The following SPSB4 variants were observed in gnomAD, a reference collection of about 807,000 sequenced individuals.
SPSB4 encodes the protein splA/ryanodine receptor domain and SOCS box containing 4, also known as SPRY domain-containing SOCS box protein 4.
Under a neutral mutation model 20.9 loss-of-function variants are expected in SPSB4, and 21 were observed. That is an observed-to-expected ratio of 1.01 (90% confidence interval 0.71 to 1.45). The LOEUF (loss-of-function observed/expected upper bound fraction) is 1.45, where lower values mean the gene tolerates loss of function less well. Ranked by LOEUF, SPSB4 falls within the 40% of genes most tolerant of loss-of-function variation. SPSB4 has a pLI of 0.00. For missense variants in SPSB4, 399 were observed against 399.2 expected (o/e 1.00, Z 0.00); for synonymous variants, 207 against 183.8 (o/e 1.13, Z -1.02).
At chr3:141,083,130 T>C (rs1328203341) in intron 2 of SPSB4, among the ~76,000 whole-genome samples, 1 of 152,128 alleles carries the variant, frequency 6.6e-6, no homozygotes, top group South Asian at 2.1e-4. Flanking sequence ...CTTCCTTAGA[T>C]TTGGGTTTAA....
intron 2 of SPSB4, among the ~76,000 whole-genome samples, chr3:141,120,794 C>T (rs1416353168): frequency 6.6e-6 from 1 of 152,000 alleles, no homozygotes; most frequent in Non-Finnish European, 1.5e-5. Flanking sequence ...TTATTTTGAG[C>T]CTATGTGTGT....
intron 2 of SPSB4, among the ~76,000 whole-genome samples, chr3:141,080,893 G>C (rs995621222): frequency 1.3e-5 from 2 of 152,232 alleles, no homozygotes; most frequent in Non-Finnish European, 2.9e-5. Flanking sequence ...AGGCGGACAG[G>C]TCCTGGAAAG....
At chr3:141,126,132 A>C (rs1939047022) in intron 2 of SPSB4, among the ~76,000 whole-genome samples, 1 of 152,172 alleles carries the variant, frequency 6.6e-6, no homozygotes, top group Non-Finnish European at 1.5e-5. Flanking sequence ...AACTGACCAG[A>C]TGCTTAGAGA....
chr3:141,114,284 A>T (rs1386374010), intron 2 of SPSB4, among the ~76,000 whole-genome samples: 1 of 152,024 alleles, frequency 6.6e-6, no homozygotes, highest in Non-Finnish European at 1.5e-5. Flanking sequence ...ATTCCCCATG[A>T]CCCCAGGAAA....
At chr3:141,143,767 C>G (rs1301806094) in intron 2 of SPSB4, among the ~76,000 whole-genome samples, 3 of 152,212 alleles carry the variant, frequency 2.0e-5, no homozygotes, top group African/African-American at 7.2e-5. Flanking sequence ...GTGGTGCTTT[C>G]AAGAGAGCAC....
chr3:141,067,343 C>A (rs1482079070), intron 2 of SPSB4, among the ~76,000 whole-genome samples: 1 of 152,124 alleles, frequency 6.6e-6, no homozygotes, highest in Non-Finnish European at 1.5e-5. Flanking sequence ...GCTTATGGGC[C>A]AACTATTAAA....
chr3:141,112,644 CAAAAAA>C lies in SPSB4; in HGVS notation c.695-34478_695-34473del, dbSNP rs60396514. Among the ~76,000 whole-genome samples, 16 of 32,882 alleles carry C rather than the reference CAAAAAA, an allele frequency of 4.9e-4. No homozygotes were observed. In the South Asian group the frequency reaches 6.7e-3, roughly 14 times the overall value. 21.6% of individuals were successfully genotyped at this position (32,882 alleles called of 152,430 possible). On this transcript the variant is annotated intron_variant, in intron 2 of 2. Coordinates refer to ENST00000310546, the MANE Select transcript of SPSB4 (RefSeq NM_080862.3). ...TGGGCGACAGAGCGAGACTCCGTCT[CAAAAAA>C]AAAAAAAAAAAAAAAAAAAGACAGA...
At chr3:141,105,155 G>A (rs909169895) in intron 2 of SPSB4, among the ~76,000 whole-genome samples, 33 of 152,348 alleles carry the variant, frequency 2.2e-4, no homozygotes, top group African/African-American at 7.7e-4. Context: ...AAGGCTCACA[G>A]AAAAGGGTGG....
chr3:141,094,648 A>C (rs1418368186), intron 2 of SPSB4, among the ~76,000 whole-genome samples: 2 of 152,072 alleles, frequency 1.3e-5, no homozygotes, highest in East Asian at 3.9e-4. Context: ...AAAGTCGTGT[A>C]ACAAAATGCT....
At chr3:141,141,902 T>C (rs1162717569) in intron 2 of SPSB4, among the ~76,000 whole-genome samples, 1 of 152,230 alleles carries the variant, frequency 6.6e-6, no homozygotes, top group Non-Finnish European at 1.5e-5. Context: ...TCTCCTGTTT[T>C]GTTTCTAATT....
intron 2 of SPSB4, among the ~76,000 whole-genome samples, chr3:141,069,881 G>T (rs1309084686): frequency 6.6e-6 from 1 of 152,138 alleles, no homozygotes; most frequent in Non-Finnish European, 1.5e-5. Flanking sequence ...TAAGGTAATG[G>T]ATATCACTTT....
Position 141,147,190 on chromosome 3 carries a change from C to T in SPSB4, c.743C>T (p.Ala248Val), listed in dbSNP as rs1291919533. The T allele has an allele frequency of 6.2e-7, 1 of 1,614,218 alleles. No individual in the cohort carries two copies. ...CTGTGCCGGAGATCCATCCGCTCGG[C>T]CCTGGGCCGCCAGCGCCTGCAGGAC... ...MDLCRRSIRSALGRQRLQDIS... is the reference protein window; with the variant it reads ...MDLCRRSIRSVLGRQRLQDIS... Residue 248 changes from alanine to valine, a missense_variant, in exon 3 of 3, where the codon GCC becomes GTC. Coordinates refer to ENST00000310546, the MANE Select transcript of SPSB4 (RefSeq NM_080862.3).
At chr3:141,077,145 G>A (rs146868258) in intron 2 of SPSB4, 17 of 152,346 alleles carry the variant, frequency 1.1e-4, no homozygotes, top group African/African-American at 3.8e-4. Context: ...TTCAAGCAAA[G>A]GCTGTGCCGC....
chr3:141,081,059 C>T (rs1422701834), intron 2 of SPSB4, among the ~76,000 whole-genome samples: 1 of 152,206 alleles, frequency 6.6e-6, no homozygotes, highest in East Asian at 1.9e-4. Flanking sequence ...CTCCATCATT[C>T]TGCAGTCTCT....
At position 141,136,881 on chromosome 3, in the gene SPSB4, T is replaced by G. The variant is rs1368978199; in HGVS notation, c.695-10261T>G. The stretch of plus-strand genomic sequence containing the variant: ...GTTTTTTCCAATTCTGTGAAGAAAG[T>G]CATTGGTAGCTTGATGGGGATGGCA... On this transcript the variant is annotated intron_variant, in intron 2 of 2. Coordinates refer to ENST00000310546, the MANE Select transcript of SPSB4 (RefSeq NM_080862.3). Among the ~76,000 whole-genome samples, 5 of 152,304 alleles carry G rather than the reference T, an allele frequency of 3.3e-5. No homozygotes were observed. In the East Asian group the frequency reaches 9.6e-4, roughly 29 times the overall value.
chr3:141,091,877 T>A (rs1341852821), intron 2 of SPSB4, among the ~76,000 whole-genome samples: 1 of 152,196 alleles, frequency 6.6e-6, no homozygotes, highest in African/African-American at 2.4e-5. Context: ...AGACTTCCTT[T>A]TGTCAGACAG....
chr3:141,135,175 A>C (rs1359105115), intron 2 of SPSB4, among the ~76,000 whole-genome samples: 3 of 151,960 alleles, frequency 2.0e-5, no homozygotes, highest in African/African-American at 4.8e-5. Flanking sequence ...GTTGAGTAAA[A>C]TATAATTGTT....
intron 2 of SPSB4, among the ~76,000 whole-genome samples, chr3:141,136,046 G>C (rs1576543075): frequency 6.6e-6 from 1 of 152,146 alleles, no homozygotes; most frequent in East Asian, 1.9e-4. Context: ...TAACTGGTGT[G>C]AGATGGTATC....
intron 1 of SPSB4, among the ~76,000 whole-genome samples, chr3:141,055,338 A>G (rs1937619135): frequency 6.6e-6 from 1 of 152,126 alleles, no homozygotes; most frequent in African/African-American, 2.4e-5. Context: ...CAGGTCAGAG[A>G]AGATGGGAAG....
Sources: gnomAD v4.1 joint callset for allele counts (sites outside exome capture counted in the v4.1 genomes callset) on GRCh38, gnomAD v4.1.1 for gene constraint, MANE v1.5 for transcripts, NCBI Gene and HGNC (gene_info 2026-07-23, HGNC 2026-07-21) for gene names.